Variants in PIEZO2 observed in about 807,000 individuals in gnomAD.
PIEZO2 encodes piezo-type mechanosensitive ion channel component 2.
In PIEZO2, 172 loss-of-function variants were observed where a neutral mutation model predicts 337.3. That is an observed-to-expected ratio of 0.51 (90% CI 0.45 to 0.58). The LOEUF (loss-of-function observed/expected upper bound fraction) is 0.58. Ranked by LOEUF, PIEZO2 falls within the 20% of genes least tolerant of loss-of-function variation. PIEZO2 has a pLI of 0.00. For missense variants in PIEZO2, 3,028 were observed against 3,391.3 expected (o/e 0.89, Z 2.66); for synonymous variants, 1,251 against 1,228.5 (o/e 1.02, Z -0.38).
intron 1 of PIEZO2, among the ~76,000 whole-genome samples, chr18:11,098,244 T>TAC (rs150739388): frequency 0.087 from 12,649 of 145,570 alleles, 902 homozygotes; most frequent in African/African-American, 0.2. Flanking sequence ...AGAAGCAAGA[T>TAC]ACACACACAC....
At chr18:10,965,228 G>T (rs2033948575) in intron 3 of PIEZO2, among the ~76,000 whole-genome samples, 1 of 152,122 alleles carries the variant, frequency 6.6e-6, no homozygotes, top group African/African-American at 2.4e-5. Context: ...TCCACACTGG[G>T]TGTATGATTT....
chr18:10,715,848 G>C, intron 37 of PIEZO2, 32 bp from the exon 38 acceptor site: 9 of 1,459,934 alleles, frequency 6.2e-6, no homozygotes, highest in Non-Finnish European at 8.3e-6. Flanking sequence ...AGATGTTAAA[G>C]GAACAAAATA....
intron 7 of PIEZO2, among the ~76,000 whole-genome samples, chr18:10,839,856 A>C (rs1158150342): frequency 6.6e-6 from 1 of 152,216 alleles, no homozygotes; most frequent in Non-Finnish European, 1.5e-5. Flanking sequence ...GAAAGCAATA[A>C]ATCTTCTGTA....
At chr18:10,921,137 A>G (rs1296442545) in intron 3 of PIEZO2, among the ~76,000 whole-genome samples, 1 of 152,160 alleles carries the variant, frequency 6.6e-6, no homozygotes, top group African/African-American at 2.4e-5. Flanking sequence ...AGCTTTGATT[A>G]CAGGTGATCA....
chr18:11,019,042 C>T (rs943761144), intron 2 of PIEZO2, among the ~76,000 whole-genome samples: 3 of 152,128 alleles, frequency 2.0e-5, no homozygotes, highest in Non-Finnish European at 4.4e-5. Context: ...CACATCCAAG[C>T]CACCAGCAAA....
At chr18:10,827,649 A>G (rs571953949) in intron 7 of PIEZO2, among the ~76,000 whole-genome samples, 73 of 152,304 alleles carry the variant, frequency 4.8e-4, no homozygotes, top group African/African-American at 1.7e-3. Context: ...GCCAGATGGT[A>G]TTGCATCAAC....
In PIEZO2 at chr18:10,870,120, C is replaced by G. The variant is rs1365760186; in HGVS notation, c.492+1133G>C. ...CGAACTCATGACCTCAGGTGATCTG[C>G]CCACCTGGGCCTCCCAAGGTGCTGG... On this transcript the variant is annotated intron_variant, in intron 5 of 55. Transcript: ENST00000674853. The surrounding 1 kb of genome is among the most constrained non-coding windows in gnomAD (Gnocchi z 5.3). Among the ~76,000 whole-genome samples, 7 of 151,438 alleles carry G rather than the reference C, an allele frequency of 4.6e-5. No individual in the cohort carries two copies. Among genetic ancestry groups the G allele is most frequent in the Admixed American group, 4.6e-4 (7 of 15,244 alleles).
chr18:10,922,301 T>C (rs2031468799), intron 3 of PIEZO2, among the ~76,000 whole-genome samples: 1 of 152,086 alleles, frequency 6.6e-6, no homozygotes, highest in South Asian at 2.1e-4. Context: ...AGCCAATGCT[T>C]AGGGAAAATA....
At chr18:10,684,091 TC>T (rs1555623659) in intron 49 of PIEZO2, among the ~76,000 whole-genome samples, 5 of 45,340 alleles carry the variant, frequency 1.1e-4, no homozygotes, top group South Asian at 1.1e-3. Context: ...CTTCCTTCCT[TC>T]CTTCTTTCTC....
chr18:11,062,259 C>G (rs1380782223), intron 2 of PIEZO2, among the ~76,000 whole-genome samples: 1 of 151,878 alleles, frequency 6.6e-6, no homozygotes, highest in Non-Finnish European at 1.5e-5. Context: ...AAAATTAATT[C>G]AAGATGGATT....
chr18:11,135,773 C>T (rs1050328671), intron 1 of PIEZO2, among the ~76,000 whole-genome samples: 1 of 152,180 alleles, frequency 6.6e-6, no homozygotes, highest in African/African-American at 2.4e-5. Context: ...GTCTCAATCT[C>T]CTGACCTCGT....
rs554890853 is a variant in PIEZO2, at chr18:11,023,170, G to A, written c.160+42957C>T. Among the ~76,000 whole-genome samples, 14 of 152,240 alleles carry A rather than the reference G, an allele frequency of 9.2e-5. No homozygotes were observed. In the South Asian group the frequency reaches 2.9e-3, roughly 32 times the overall value. On this transcript the variant is annotated intron_variant, in intron 2 of 55. Coordinates refer to ENST00000674853, the MANE Select transcript of PIEZO2 (RefSeq NM_001378183.1). The stretch of plus-strand genomic sequence containing the variant: ...AGAACAAAGCTTCCACACTGTGGAA[G>A]GGGACCCGACCCAGTTGCCACTGCT...
intron 36 of PIEZO2, chr18:10,725,339 G>A: frequency 6.2e-7 from 1 of 1,604,906 alleles, no homozygotes; most frequent in Non-Finnish European, 8.5e-7. Context: ...TTGTGGTGCA[G>A]CTGAGTGAAG....
Position 11,080,630 on chromosome 18 carries a change from G to C in PIEZO2, c.65-14408C>G, listed in dbSNP as rs532359320. On this transcript the variant is annotated intron_variant, in intron 1 of 55. Transcript: ENST00000674853. This position sits in a 1 kb window ranked among gnomAD's most constrained non-coding sequence, Gnocchi z 5.4. The stretch of plus-strand genomic sequence containing the variant: ...GGAGACCGAGGCGGGCAGATCATGA[G>C]GTCAGGAGATCAAGACTATCCTGGC... 1.3e-5 allele frequency among the ~76,000 whole-genome samples: 2 copies of C among 152,356 alleles called. No homozygotes were observed. The highest frequency in any genetic ancestry group is 1.3e-4 in the Admixed American group (2 of 15,308).
rs2031446153 is a variant in PIEZO2 at position 10,921,974 on chromosome 18, G to A, written c.287-10746C>T. On this transcript the variant is annotated intron_variant, in intron 3 of 55. Coordinates refer to ENST00000674853, the MANE Select transcript of PIEZO2 (RefSeq NM_001378183.1). ...GTCAGACCAGTTGCTCTCAAACCCT[G>A]TCTCCTGATAAGATGTTATCAATGA... 1.3e-5 allele frequency among the ~76,000 whole-genome samples: 2 copies of A among 152,080 alleles called. 1 individual carries two copies. The highest frequency in any genetic ancestry group is 2.9e-5 in the Non-Finnish European group (2 of 68,014).
chr18:11,018,068 G>T (rs1315167566), intron 2 of PIEZO2, among the ~76,000 whole-genome samples: 1 of 152,182 alleles, frequency 6.6e-6, no homozygotes, highest in Non-Finnish European at 1.5e-5. Flanking sequence ...GCAGGGCCCT[G>T]CTCCCCGAGA....
Position 10,724,811 on chromosome 18 carries a change from C to T in PIEZO2, c.5030-6552G>A. The stretch of plus-strand genomic sequence containing the variant: ...CTGCAGCCCCAGCCTGAGCAGCAGT[C>T]GTTCTCACAGATGCACCTGGGCCAC... On this transcript the variant is annotated intron_variant, in intron 36 of 55. Coordinates refer to ENST00000674853, the MANE Select transcript of PIEZO2 (RefSeq NM_001378183.1). The surrounding 1 kb of genome is among the most constrained non-coding windows in gnomAD (Gnocchi z 5.8). The T allele has an allele frequency of 1.3e-6, 2 of 1,591,186 alleles. No homozygotes were observed. The highest frequency in any genetic ancestry group is 1.1e-5 in the South Asian group (1 of 87,994).
At chr18:10,905,591 A>T (rs2043156043) in intron 4 of PIEZO2, among the ~76,000 whole-genome samples, 1 of 151,978 alleles carries the variant, frequency 6.6e-6, no homozygotes, top group South Asian at 2.1e-4. Context: ...CAAAAAAAAA[A>T]AAAAAAAACT....
chr18:10,866,086 G>A (rs899981416), intron 5 of PIEZO2, among the ~76,000 whole-genome samples: 1 of 152,192 alleles, frequency 6.6e-6, no homozygotes, highest in Non-Finnish European at 1.5e-5. Flanking sequence ...GGTACATGCT[G>A]TTAAATGTTG....
Sources: gnomAD v4.1 joint callset for allele counts (sites outside exome capture counted in the v4.1 genomes callset) on GRCh38, gnomAD v4.1.1 for gene constraint, Gnocchi (gnomAD v3.1) non-coding constraint, MANE v1.5 for transcripts, NCBI Gene and HGNC (gene_info 2026-07-23, HGNC 2026-07-21) for gene names.